Variants in TMEM108 observed in about 807,000 individuals in gnomAD.
TMEM108 encodes transmembrane protein 108.
TMEM108 carries 12 observed loss-of-function variants against 35.1 expected under a neutral mutation model. The observed-to-expected ratio is 0.34, with a 90% CI of 0.22 to 0.55. The LOEUF (loss-of-function observed/expected upper bound fraction) is 0.55. Among genes scored for constraint, TMEM108 ranks in the 20% least tolerant of loss-of-function variants. The pLI, the probability that TMEM108 is intolerant of heterozygous loss-of-function variation, is 0.89. For synonymous variants in TMEM108, 287 were observed against 308.6 expected (o/e 0.93, Z 0.73); for missense variants, 680 against 753.3 (o/e 0.90, Z 1.14).
intron 3 of TMEM108, among the ~76,000 whole-genome samples, chr3:133,353,917 T>G (rs570658605): frequency 6.6e-6 from 1 of 152,200 alleles, no homozygotes; most frequent in Non-Finnish European, 1.5e-5. Flanking sequence ...TCTTCCAAAC[T>G]TTGTTTCTTG....
chr3:133,221,018 A>G (rs1399737702), intron 2 of TMEM108, among the ~76,000 whole-genome samples: 1 of 152,234 alleles, frequency 6.6e-6, no homozygotes, highest in Non-Finnish European at 1.5e-5. Flanking sequence ...GAACAGTCCC[A>G]AGCATAGGAG....
intron 2 of TMEM108, among the ~76,000 whole-genome samples, chr3:133,109,538 A>G (rs549716673): frequency 3.9e-5 from 6 of 152,330 alleles, no homozygotes; most frequent in African/African-American, 1.4e-4. Flanking sequence ...CTCTGTTTCT[A>G]AAGAGAATAG....
At chr3:133,146,549 C>T (rs933820920) in intron 2 of TMEM108, among the ~76,000 whole-genome samples, 1 of 152,130 alleles carries the variant, frequency 6.6e-6, no homozygotes, top group Non-Finnish European at 1.5e-5. Flanking sequence ...GAAGCAGCTC[C>T]TCTTTGTACC....
At chr3:133,260,541 C>G (rs1270183805) in intron 3 of TMEM108, among the ~76,000 whole-genome samples, 1 of 152,018 alleles carries the variant, frequency 6.6e-6, no homozygotes, top group Non-Finnish European at 1.5e-5. Context: ...AGAAAGAGGG[C>G]CAATTGTGGT....
At chr3:133,223,553 T>C (rs970246726) in intron 2 of TMEM108, among the ~76,000 whole-genome samples, 3 of 152,200 alleles carry the variant, frequency 2.0e-5, no homozygotes, top group African/African-American at 7.2e-5. Flanking sequence ...CGTAAATTAT[T>C]CTCTGAGGGA....
chr3:133,293,668 C>T (rs1269624846), intron 3 of TMEM108, among the ~76,000 whole-genome samples: 1 of 152,030 alleles, frequency 6.6e-6, no homozygotes, highest in African/African-American at 2.4e-5. Flanking sequence ...CTGGCTAACT[C>T]GTCAAGCATG....
At chr3:133,052,522 G>T (rs1943417327) in intron 2 of TMEM108, among the ~76,000 whole-genome samples, 1 of 143,814 alleles carries the variant, frequency 7.0e-6, no homozygotes, top group African/African-American at 2.6e-5. Flanking sequence ...CATTACCCAG[G>T]ACTTCTAGTA....
At chr3:133,084,953 T>G (rs1943862639) in intron 2 of TMEM108, among the ~76,000 whole-genome samples, 1 of 152,180 alleles carries the variant, frequency 6.6e-6, no homozygotes, top group Non-Finnish European at 1.5e-5. Context: ...TCCAGGAACC[T>G]AGATTTGAGT....
intron 2 of TMEM108, among the ~76,000 whole-genome samples, chr3:133,171,857 T>G (rs1475961455): frequency 6.6e-6 from 1 of 152,190 alleles, no homozygotes; most frequent in African/African-American, 2.4e-5. Context: ...GTATTCTATT[T>G]AAGAGGATTC....
intron 5 of TMEM108, among the ~76,000 whole-genome samples, chr3:133,392,517 A>G (rs1288514176): frequency 2.0e-5 from 3 of 152,242 alleles, no homozygotes; most frequent in South Asian, 4.1e-4. Flanking sequence ...TCTGCACTAG[A>G]GAGTCCAGAT....
intron 3 of TMEM108, among the ~76,000 whole-genome samples, chr3:133,314,577 A>T (rs2071173732): frequency 6.6e-6 from 1 of 152,212 alleles, no homozygotes; most frequent in Admixed American, 6.5e-5. Context: ...AAGTCTAAGT[A>T]TTCCCATTAT....
chr3:133,153,277 C>T (rs760625903), intron 2 of TMEM108, among the ~76,000 whole-genome samples: 6 of 152,052 alleles, frequency 3.9e-5, no homozygotes, highest in Admixed American at 1.3e-4. Flanking sequence ...CCCTTCCAGC[C>T]CTAAAATTTC....
In TMEM108 at chr3:133,355,454, T is replaced by TC. The variant is rs2072134912; in HGVS notation, c.41-24297dup. 2.0e-5 allele frequency among the ~76,000 whole-genome samples: 3 copies of TC among 152,314 alleles called. No homozygotes were observed. In the South Asian group the frequency reaches 6.2e-4, roughly 32 times the overall value. ...CATCTCTCCATTTGAGGCAAATGCATCATTGGTGCTATGTGTATTTAACTG... is the reference window on the plus strand; with the variant it reads ...CATCTCTCCATTTGAGGCAAATGCATCCATTGGTGCTATGTGTATTTAACTG... On this transcript the variant is annotated intron_variant, in intron 3 of 5. Transcript: ENST00000321871.
chr3:133,330,246 G>C (rs1480890086), intron 3 of TMEM108, among the ~76,000 whole-genome samples: 2 of 152,174 alleles, frequency 1.3e-5, no homozygotes, highest in Non-Finnish European at 2.9e-5. Context: ...CTGCTGCTGA[G>C]ACTCCTCTGC....
intron 2 of TMEM108, among the ~76,000 whole-genome samples, chr3:133,196,160 A>G (rs1436547003): frequency 1.3e-5 from 2 of 152,166 alleles, no homozygotes; most frequent in Non-Finnish European, 2.9e-5. Flanking sequence ...CTCCTTGACC[A>G]CTGTGTTCTA....
At chr3:133,234,993 C>T (rs1041660571) in intron 3 of TMEM108, among the ~76,000 whole-genome samples, 1 of 152,062 alleles carries the variant, frequency 6.6e-6, no homozygotes, top group Non-Finnish European at 1.5e-5. Flanking sequence ...GAGTGAACTC[C>T]CATTCACAAT....
At chr3:133,244,992 A>G (rs1576407797) in intron 3 of TMEM108, among the ~76,000 whole-genome samples, 1 of 152,224 alleles carries the variant, frequency 6.6e-6, no homozygotes, top group Non-Finnish European at 1.5e-5. Context: ...AGAGAAAGGT[A>G]AGCATCAGAT....
intron 2 of TMEM108, among the ~76,000 whole-genome samples, chr3:133,097,527 C>T (rs1006921505): frequency 2.0e-5 from 3 of 152,102 alleles, no homozygotes; most frequent in African/African-American, 7.2e-5. Flanking sequence ...CTCCCTAACC[C>T]CACAGACTAT....
chr3:133,144,787 T>C (rs1396523130), intron 2 of TMEM108, among the ~76,000 whole-genome samples: 1 of 152,248 alleles, frequency 6.6e-6, no homozygotes, highest in Non-Finnish European at 1.5e-5. Context: ...TCTGTTCATG[T>C]CCTTCGCCCA....
Sources: allele counts gnomAD v4.1 joint callset (sites outside exome capture counted in the v4.1 genomes callset), GRCh38; gene constraint gnomAD v4.1.1; transcripts MANE v1.5; gene names NCBI Gene and HGNC (gene_info 2026-07-23, HGNC 2026-07-21).